The following ACTR3C variants were observed in gnomAD, a reference collection of about 807,000 sequenced individuals.
The protein encoded by ACTR3C is actin related protein 3C, also known as actin-related protein 3C.
A neutral mutation model predicts 26.3 loss-of-function variants in ACTR3C; 18 were observed. That is an observed-to-expected ratio of 0.68 (90% CI 0.47 to 1.01). The LOEUF (loss-of-function observed/expected upper bound fraction) is 1.01, where lower values mean the gene tolerates loss of function less well. ACTR3C is among the 50% of genes least tolerant of loss of function. The pLI is 0.00. For synonymous variants in ACTR3C, 55 were observed against 94.5 expected (o/e 0.58, Z 2.42); for missense variants, 184 against 250.7 (o/e 0.73, Z 1.80).
the ACTR3C span, among the ~76,000 whole-genome samples, chr7:150,204,086 T>C: frequency 6.7e-6 from 1 of 150,008 alleles, no homozygotes; most frequent in Non-Finnish European, 1.5e-5. Context: ...GCTGTGCAAC[T>C]GGGTCAGGAA....
At chr7:150,088,690 A>T in the ACTR3C span, among the ~76,000 whole-genome samples, 1 of 152,218 alleles carries the variant, frequency 6.6e-6, no homozygotes, top group Non-Finnish European at 1.5e-5. Context: ...TTATTGTTCT[A>T]TCATTTTGTA....
the ACTR3C span, among the ~76,000 whole-genome samples, chr7:150,121,490 A>G: frequency 6.8e-6 from 1 of 147,710 alleles, no homozygotes; most frequent in Non-Finnish European, 1.5e-5. Flanking sequence ...CAATTGCTTC[A>G]AAGAGAATAA....
chr7:150,292,974 T>C (rs1467946538), intron 3 of ACTR3C, among the ~76,000 whole-genome samples: 1 of 152,244 alleles, frequency 6.6e-6, no homozygotes, highest in Non-Finnish European at 1.5e-5. Flanking sequence ...AAAATGTTCT[T>C]GTTGATGTTA....
At chr7:150,125,040 T>C in the ACTR3C span, among the ~76,000 whole-genome samples, 8 of 152,358 alleles carry the variant, frequency 5.3e-5, no homozygotes, top group Admixed American at 5.2e-4. Flanking sequence ...ATTCAATGCC[T>C]ATGCTATATT....
the ACTR3C span, among the ~76,000 whole-genome samples, chr7:149,921,508 T>C: frequency 6.6e-6 from 1 of 152,250 alleles, no homozygotes; most frequent in Non-Finnish European, 1.5e-5. Flanking sequence ...CTTTAATCTT[T>C]TAAAATTACT....
the ACTR3C span, among the ~76,000 whole-genome samples, chr7:150,005,422 T>G: frequency 2.6e-5 from 4 of 152,008 alleles, no homozygotes; most frequent in Non-Finnish European, 5.9e-5. Flanking sequence ...TGATGTGAGA[T>G]TTTTGCAAAA....
At chr7:149,902,049 A>G in the ACTR3C span, among the ~76,000 whole-genome samples, 1 of 152,118 alleles carries the variant, frequency 6.6e-6, no homozygotes, top group East Asian at 1.9e-4. Context: ...CCTAAATGCC[A>G]AAAAAGTCAT....
At chr7:150,171,147 C>T in the ACTR3C span, among the ~76,000 whole-genome samples, 1 of 136,360 alleles carries the variant, frequency 7.3e-6, no homozygotes, top group Non-Finnish European at 1.5e-5. Flanking sequence ...AGAACTCCAG[C>T]CAACAGCAGG....
chr7:150,033,311 T>G, the ACTR3C span, among the ~76,000 whole-genome samples: 1 of 152,326 alleles, frequency 6.6e-6, no homozygotes, highest in Non-Finnish European at 1.5e-5. Flanking sequence ...GGGCTTTGCG[T>G]TTGCTCTAGG....
chr7:149,924,558 A>T, the ACTR3C span, among the ~76,000 whole-genome samples: 16 of 152,228 alleles, frequency 1.1e-4, no homozygotes, highest in Non-Finnish European at 1.9e-4. Flanking sequence ...CTGTGTCAAT[A>T]AAAAAGCGGT....
chr7:150,021,219 C>A, the ACTR3C span, among the ~76,000 whole-genome samples: 1 of 151,846 alleles, frequency 6.6e-6, no homozygotes, highest in East Asian at 1.9e-4. Flanking sequence ...TAGCTGCAGA[C>A]CACCTGGCAA....
At chr7:150,284,972 T>A in intron 5 of ACTR3C, 127 bp from the exon 6 acceptor site, 2 of 902,280 alleles carry the variant, frequency 2.2e-6, no homozygotes. Context: ...CACATTGGAA[T>A]GAAGGATATG....
At chr7:150,168,343 A>G in the ACTR3C span, among the ~76,000 whole-genome samples, 1 of 150,750 alleles carries the variant, frequency 6.6e-6, no homozygotes, top group Admixed American at 6.6e-5. Context: ...TGTGTAAGGG[A>G]TCTAGTCTGT....
At chr7:149,979,299 G>A in the ACTR3C span, among the ~76,000 whole-genome samples, 19 of 152,336 alleles carry the variant, frequency 1.2e-4, no homozygotes, top group African/African-American at 4.6e-4. Context: ...AAAAGATAGA[G>A]TGGGGAGAGA....
chr7:150,088,799 C>T, the ACTR3C span, among the ~76,000 whole-genome samples: 4 of 152,184 alleles, frequency 2.6e-5, no homozygotes, highest in African/African-American at 9.7e-5. Context: ...ATGTTTGCAT[C>T]TCTGAAACTC....
chr7:150,093,083 AGT>A, the ACTR3C span, among the ~76,000 whole-genome samples: 3 of 151,434 alleles, frequency 2.0e-5, no homozygotes, highest in African/African-American at 7.4e-5. Flanking sequence ...TTTCACTCTA[AGT>A]ACTTGCGGCC....
chr7:150,074,772 G>A, the ACTR3C span, among the ~76,000 whole-genome samples: 49,992 of 129,740 alleles, frequency 0.39, 10,459 homozygotes, highest in East Asian at 0.62. Flanking sequence ...CAGGCCTGCT[G>A]AGTTAACCAT....
chr7:149,969,515 C>T, the ACTR3C span, among the ~76,000 whole-genome samples: 1 of 152,070 alleles, frequency 6.6e-6, no homozygotes, highest in South Asian at 2.1e-4. Flanking sequence ...GCAAGTAAAG[C>T]CCTTTTCTTG....
At chr7:149,964,767 G>A in the ACTR3C span, among the ~76,000 whole-genome samples, 1,071 of 152,224 alleles carry the variant, frequency 7.0e-3, 15 homozygotes, top group African/African-American at 0.025. Flanking sequence ...CAGCTGTCCA[G>A]CCAAAGTTTT....
Sources: gnomAD v4.1 joint callset for allele counts (sites outside exome capture counted in the v4.1 genomes callset) on GRCh38, gnomAD v4.1.1 for gene constraint, MANE v1.5 for transcripts, NCBI Gene and HGNC (gene_info 2026-07-23, HGNC 2026-07-21) for gene names.